Variants in MED31 observed in about 807,000 individuals in gnomAD.
MED31 encodes the protein mediator complex subunit 31.
In MED31, 11 loss-of-function variants were observed where a neutral mutation model predicts 22.0. The ratio of observed to expected loss-of-function variants is 0.50; its 90% CI spans 0.31 to 0.83. The LOEUF is 0.83. MED31 is among the 40% of genes least tolerant of loss of function. MED31 has a pLI of 0.04. For synonymous variants in MED31, 60 were observed against 55.1 expected (o/e 1.09, Z -0.40); for missense variants, 122 against 155.3 (o/e 0.79, Z 1.14).
chr17:6,644,809 G>T, intron 3 of MED31, 150 bp from the exon 4 acceptor site: 1 of 946,698 alleles, frequency 1.1e-6, no homozygotes. Flanking sequence ...TTTTTTCCCC[G>T]ATTAGTCATC....
chr17:6,646,460 TAAGA>T (rs1258672645), intron 3 of MED31, among the ~76,000 whole-genome samples: 1 of 152,224 alleles, frequency 6.6e-6, no homozygotes, highest in African/African-American at 2.4e-5. Context: ...TGATCTGTAC[TAAGA>T]AAAATTGTTC....
rs1047479198 is a variant in MED31 at position 6,647,360 on chromosome 17, A to C, written c.203+2622T>G. On this transcript the variant is annotated intron_variant, in intron 3 of 3. Coordinates refer to ENST00000225728, the MANE Select transcript of MED31 (RefSeq NM_016060.3). Reference sequence around the variant, plus strand: ...AGGTGTGGAGGGGCAGGCCCCCTTCAGGAAGTATGCAGATAAAGCCAAAGT... The same window carrying C: ...AGGTGTGGAGGGGCAGGCCCCCTTCCGGAAGTATGCAGATAAAGCCAAAGT... 3.9e-5 allele frequency among the ~76,000 whole-genome samples: 6 copies of C among 152,258 alleles called. No individual in the cohort carries two copies. In the East Asian group the frequency reaches 9.6e-4, roughly 24 times the overall value.
At chr17:6,647,249 TC>T (rs1972779205) in intron 3 of MED31, among the ~76,000 whole-genome samples, 1 of 152,184 alleles carries the variant, frequency 6.6e-6, no homozygotes, top group Non-Finnish European at 1.5e-5. Flanking sequence ...AGTGTGCCGG[TC>T]CCCTGGGCCC....
At position 6,649,032 on chromosome 17, in the gene MED31, T is replaced by C. The variant is rs77224377; in HGVS notation, c.203+950A>G. The stretch of plus-strand genomic sequence containing the variant: ...AAGCCAGAAAAGGTGCAAACGGTCC[T>C]GCAGGCAACATAAGACGTATGTGCT... On this transcript the variant is annotated intron_variant, in intron 3 of 3. Coordinates refer to ENST00000225728, the MANE Select transcript of MED31 (RefSeq NM_016060.3). Among the ~76,000 whole-genome samples the C allele has an allele frequency of 6.5e-3, 984 of 152,216 alleles. 10 individuals are homozygous for C. Among genetic ancestry groups the C allele is most frequent in the African/African-American group, 0.022 (922 of 41,542 alleles).
At chr17:6,645,484 G>A (rs1192377005) in intron 3 of MED31, among the ~76,000 whole-genome samples, 1 of 152,130 alleles carries the variant, frequency 6.6e-6, no homozygotes, top group Non-Finnish European at 1.5e-5. Context: ...GTGATTCAGG[G>A]ATAAGACAGG....
intron 3 of MED31, among the ~76,000 whole-genome samples, chr17:6,645,021 A>G (rs1972749350): frequency 6.6e-6 from 1 of 152,202 alleles, no homozygotes; most frequent in African/African-American, 2.4e-5. Flanking sequence ...ATAGTTACTC[A>G]TTTTTCCTTC....
Position 6,644,101 on chromosome 17 carries a change from C to T in MED31, c.*366G>A, listed in dbSNP as rs141923325. 0.031 allele frequency: 12,622 copies of T among 412,340 alleles called. 240 individuals are homozygous for T. Among genetic ancestry groups the T allele is most frequent in the Non-Finnish European group, 0.042 (9,772 of 233,640 alleles). The allele number at this position is 412,340 out of a possible 1,614,324, so 25.5% of individuals were successfully genotyped here. ...AGACAGTAAGGTTCCAGGAGATGGT[C>T]TTGCCCTACTATATGTCAGGAACAG... On this transcript the variant is annotated 3_prime_UTR_variant, in exon 4 of 4. Transcript: ENST00000225728.
At chr17:6,646,629 G>A (rs949954274) in intron 3 of MED31, among the ~76,000 whole-genome samples, 2 of 152,202 alleles carry the variant, frequency 1.3e-5, no homozygotes, top group East Asian at 3.8e-4. Context: ...AAAAGCCATC[G>A]CCATTCTCCA....
chr17:6,650,283 T>C, intron 2 of MED31, 73 bp downstream of exon 2: 2 of 1,453,714 alleles, frequency 1.4e-6, no homozygotes, highest in Non-Finnish European at 1.9e-6. Context: ...AAGTAGATAC[T>C]ATTTTGAACT....
In MED31 at chr17:6,649,888, A is replaced by C. The variant is rs564722829; in HGVS notation, c.203+94T>G. On this transcript the variant is annotated intron_variant, in intron 3 of 3. Transcript: ENST00000225728. ...AGACGGTGATAACAAAAAGAAGTGG[A>C]GAGATTCCAAATACATTTTTGCCAA... is the stretch of plus-strand genomic sequence containing the variant. 1.3e-5 allele frequency: 16 copies of C among 1,228,786 alleles called. No individual in the cohort carries two copies. In the East Asian group the frequency reaches 4.5e-4, roughly 35 times the overall value. The allele number at this position is 1,228,786 out of a possible 1,614,324, so 76.1% of individuals were successfully genotyped here.
intron 3 of MED31, among the ~76,000 whole-genome samples, chr17:6,648,192 A>G (rs1007905535): frequency 2.0e-5 from 3 of 152,134 alleles, no homozygotes; most frequent in Non-Finnish European, 4.4e-5. Flanking sequence ...AAAAGAAAGG[A>G]CCTCTGGCCC....
Position 6,651,581 on chromosome 17 carries a change from A to C in MED31, c.-53T>G, listed in dbSNP as rs1597635757. On this transcript the variant is annotated 5_prime_UTR_variant, in exon 1 of 4. Transcript: ENST00000225728. ...AGCCTGACAGAGCAAAAGCCCAGAG[A>C]CGCGGGCGAAGTTCCGGAAACCACG... The C allele has an allele frequency of 6.2e-7, 1 of 1,611,646 alleles. No individual in the cohort carries two copies. Among genetic ancestry groups the C allele is most frequent in the Non-Finnish European group, 8.5e-7 (1 of 1,178,894 alleles).
At chr17:6,651,047 G>C (rs952467372) in intron 1 of MED31, among the ~76,000 whole-genome samples, 8 of 144,132 alleles carry the variant, frequency 5.6e-5, no homozygotes, top group Admixed American at 2.1e-4. Context: ...CGTGAACCCA[G>C]GAGGCGGAGC....
intron 2 of MED31, 103 bp from the exon 3 acceptor site, chr17:6,650,181 C>T: frequency 1.6e-6 from 2 of 1,258,572 alleles, no homozygotes; most frequent in Non-Finnish European, 2.2e-6. Context: ...CCCCCACCAC[C>T]AACACACATT....
intron 1 of MED31, among the ~76,000 whole-genome samples, chr17:6,651,135 A>AAAAAAAAAAAAAAAAAAAAAAAAAAG: frequency 6.7e-6 from 1 of 149,486 alleles, no homozygotes; most frequent in Non-Finnish European, 1.5e-5. Context: ...AAAAAAAAAA[A>AAAAAAAAAAAAAAAAAAAAAAAAAAG]AAGAAGCACC....
At chr17:6,647,109 C>A (rs771369977) in intron 3 of MED31, among the ~76,000 whole-genome samples, 15 of 152,194 alleles carry the variant, frequency 9.9e-5, no homozygotes, top group Admixed American at 3.9e-4. Context: ...TTCCTTTGCT[C>A]ACGTTTCCCT....
intron 3 of MED31, among the ~76,000 whole-genome samples, chr17:6,645,816 C>T (rs1281208451): frequency 6.6e-6 from 1 of 152,016 alleles, no homozygotes; most frequent in Non-Finnish European, 1.5e-5. Context: ...ATGTTTCAGG[C>T]AATTATCTTC....
rs1972809763 is a variant in MED31 at position 6,649,843 on chromosome 17, G to A, written c.203+139C>T. On this transcript the variant is annotated intron_variant, in intron 3 of 3. Coordinates refer to ENST00000225728, the MANE Select transcript of MED31 (RefSeq NM_016060.3). ...GATTACTGCAGTGTTACAAGTTAGAGATGAGGGTGTCTTGTATTAAGACGG... is the reference window on the plus strand; with the variant it reads ...GATTACTGCAGTGTTACAAGTTAGAAATGAGGGTGTCTTGTATTAAGACGG... 1.6e-5 allele frequency: 13 copies of A among 826,676 alleles called. No homozygotes were observed. The East Asian group carries it at 4.2e-4, about 27-fold the overall frequency. The allele number at this position is 826,676 out of a possible 1,614,324, so 51.2% of individuals were successfully genotyped here.
At chr17:6,645,710 T>C (rs888290753) in intron 3 of MED31, among the ~76,000 whole-genome samples, 3 of 152,146 alleles carry the variant, frequency 2.0e-5, no homozygotes, top group Non-Finnish European at 4.4e-5. Context: ...ATTTCTTTAA[T>C]AAAATAATAG....
Sources: gnomAD v4.1 joint callset for allele counts (sites outside exome capture counted in the v4.1 genomes callset) on GRCh38, gnomAD v4.1.1 for gene constraint, MANE v1.5 for transcripts, NCBI Gene and HGNC (gene_info 2026-07-23, HGNC 2026-07-21) for gene names.